The following HECW1 variants were observed in gnomAD, a reference collection of about 807,000 sequenced individuals.
HECW1 encodes HECT, C2 and WW domain containing E3 ubiquitin protein ligase 1, also known as E3 ubiquitin-protein ligase HECW1.
HECW1 carries 61 observed loss-of-function variants against 182.3 expected under a neutral mutation model. The observed-to-expected ratio is 0.33, with a 90% CI of 0.27 to 0.41. HECW1 has a LOEUF of 0.41. Among genes scored for constraint, HECW1 ranks in the 10% least tolerant of loss-of-function variants. HECW1 has a pLI of 1.00. For synonymous variants in HECW1, 859 were observed against 832.6 expected (o/e 1.03, Z -0.55); for missense variants, 1,739 against 2,108.9 (o/e 0.82, Z 3.44).
At chr7:43,148,105 T>C (rs992047785) in intron 2 of HECW1, among the ~76,000 whole-genome samples, 1 of 151,902 alleles carries the variant, frequency 6.6e-6, no homozygotes, top group Non-Finnish European at 1.5e-5. Context: ...GTGTAGGGAG[T>C]GCCCTTGAAT....
chr7:43,483,055 G>A (rs1189311933), intron 17 of HECW1, among the ~76,000 whole-genome samples: 1 of 152,238 alleles, frequency 6.6e-6, no homozygotes, highest in Non-Finnish European at 1.5e-5. Flanking sequence ...CTCACAGAGA[G>A]ACAGTGACTA....
chr7:43,295,353 A>G (rs1805909483), intron 3 of HECW1, among the ~76,000 whole-genome samples: 1 of 152,184 alleles, frequency 6.6e-6, no homozygotes, highest in South Asian at 2.1e-4. Context: ...TTAGGAATAG[A>G]ATAGGAGGCA....
chr7:43,247,251 T>G (rs1445076947), intron 3 of HECW1, among the ~76,000 whole-genome samples: 2 of 152,162 alleles, frequency 1.3e-5, no homozygotes, highest in Non-Finnish European at 2.9e-5. Context: ...GCAGGAAAAC[T>G]TGGTTCATTT....
chr7:43,457,974 G>A (rs1408115572), intron 13 of HECW1, among the ~76,000 whole-genome samples: 2 of 152,064 alleles, frequency 1.3e-5, no homozygotes, highest in Non-Finnish European at 2.9e-5. Context: ...AACCATAAAA[G>A]ACTTGCATTG....
intron 24 of HECW1, 107 bp downstream of exon 24, chr7:43,509,228 T>C: frequency 1.9e-6 from 2 of 1,065,854 alleles, no homozygotes; most frequent in Non-Finnish European, 2.7e-6. Context: ...AGTGGCCAGA[T>C]GTTATGAGGG....
chr7:43,362,855 G>A (rs1816139185), intron 6 of HECW1, among the ~76,000 whole-genome samples: 1 of 152,260 alleles, frequency 6.6e-6, no homozygotes, highest in Admixed American at 6.5e-5. Context: ...GAATGAGGCA[G>A]ACACAAGGAT....
chr7:43,287,560 A>G (rs1584336437), intron 3 of HECW1, among the ~76,000 whole-genome samples: 1 of 151,814 alleles, frequency 6.6e-6, no homozygotes, highest in South Asian at 2.1e-4. Flanking sequence ...CTGGTCTCCA[A>G]CTCCTGGCCT....
chr7:43,164,311 C>A (rs1167254305), intron 2 of HECW1, among the ~76,000 whole-genome samples: 1 of 152,156 alleles, frequency 6.6e-6, no homozygotes, highest in Non-Finnish European at 1.5e-5. Flanking sequence ...CAATTACTTT[C>A]AAAAAATTAA....
At chr7:43,534,169 C>A (rs1162540806) in intron 24 of HECW1, among the ~76,000 whole-genome samples, 1 of 152,122 alleles carries the variant, frequency 6.6e-6, no homozygotes, top group East Asian at 1.9e-4. Context: ...AAAGTCTTTT[C>A]TTTCACTATC....
At chr7:43,155,249 G>T (rs545655434) in intron 2 of HECW1, among the ~76,000 whole-genome samples, 16 of 152,280 alleles carry the variant, frequency 1.1e-4, no homozygotes, top group African/African-American at 3.6e-4. Context: ...GACACAATAT[G>T]CTGCTATTAA....
intron 3 of HECW1, among the ~76,000 whole-genome samples, chr7:43,284,332 TC>T (rs1195450301): frequency 2.0e-5 from 3 of 152,062 alleles, no homozygotes; most frequent in Non-Finnish European, 4.4e-5. Context: ...ATGCATTATC[TC>T]ACACACTTCT....
intron 2 of HECW1, among the ~76,000 whole-genome samples, chr7:43,123,069 T>A (rs537924819): frequency 1.3e-5 from 2 of 152,306 alleles, no homozygotes; most frequent in South Asian, 2.1e-4. Flanking sequence ...CAGAAACATC[T>A]AATTTGAGAA....
chr7:43,543,038 A>G (rs1024793300), intron 26 of HECW1, among the ~76,000 whole-genome samples: 7 of 152,222 alleles, frequency 4.6e-5, no homozygotes, highest in African/African-American at 1.4e-4. Context: ...ACACTAAATA[A>G]TAAGATAAAG....
chr7:43,338,306 C>T (rs1812547627), intron 5 of HECW1, among the ~76,000 whole-genome samples: 1 of 152,070 alleles, frequency 6.6e-6, no homozygotes, highest in Admixed American at 6.6e-5. Flanking sequence ...TGTGTGATGC[C>T]CTGTTTTCAT....
intron 24 of HECW1, among the ~76,000 whole-genome samples, chr7:43,524,203 T>C (rs1469941394): frequency 2.6e-5 from 4 of 152,198 alleles, no homozygotes; most frequent in Non-Finnish European, 5.9e-5. Context: ...TTGCCTTAGA[T>C]GTTAGCAGCG....
chr7:43,551,607 A>G (rs1457424430), intron 27 of HECW1, among the ~76,000 whole-genome samples: 1 of 152,210 alleles, frequency 6.6e-6, no homozygotes, highest in Admixed American at 6.5e-5. Context: ...GACTTAAGAA[A>G]GTCGAGTCAG....
chr7:43,178,102 T>A (rs1454650305), intron 2 of HECW1, among the ~76,000 whole-genome samples: 2 of 152,192 alleles, frequency 1.3e-5, no homozygotes, highest in Non-Finnish European at 2.9e-5. Context: ...CTCTGCCTCC[T>A]GGATTCAAGC....
chr7:43,133,418 A>C (rs1453428636), intron 2 of HECW1, among the ~76,000 whole-genome samples: 1 of 151,998 alleles, frequency 6.6e-6, no homozygotes, highest in Non-Finnish European at 1.5e-5. Context: ...TTCCGTATCA[A>C]TCTGATAAAT....
rs900347211 is a variant in HECW1 at position 43,308,351 on chromosome 7, T to C, written c.28-3412T>C. 1.3e-4 allele frequency among the ~76,000 whole-genome samples: 18 copies of C among 137,032 alleles called. No homozygotes were observed. The Admixed American group carries it at 1.3e-3, about 10-fold the overall frequency. The allele number at this position is 137,032 out of a possible 152,430, so 89.9% of individuals were successfully genotyped here. ...ATATTTATATATATTATATGATATATTTATATATAATATAACATATAATAT... is the reference window on the plus strand; with the variant it reads ...ATATTTATATATATTATATGATATACTTATATATAATATAACATATAATAT... On this transcript the variant is annotated intron_variant, in intron 3 of 29. Transcript: ENST00000395891.
Sources: allele counts gnomAD v4.1 joint callset (sites outside exome capture counted in the v4.1 genomes callset), GRCh38; gene constraint gnomAD v4.1.1; transcripts MANE v1.5; gene names NCBI Gene and HGNC (gene_info 2026-07-23, HGNC 2026-07-21).